Variants in MYT1L observed in about 807,000 individuals in gnomAD.
MYT1L encodes myelin transcription factor 1-like protein.
A neutral mutation model predicts 126.7 loss-of-function variants in MYT1L; 12 were observed. The ratio of observed to expected loss-of-function variants is 0.09; its 90% CI spans 0.06 to 0.15. The LOEUF is 0.15. Among genes scored for constraint, MYT1L ranks in the 10% least tolerant of loss-of-function variants. The pLI is 1.00. For synonymous variants in MYT1L, 541 were observed against 604.2 expected, an observed-to-expected ratio of 0.90 and a Z score of 1.53; for missense variants, 979 against 1,585.2, an observed-to-expected ratio of 0.62 and a Z score of 6.49.
chr2:2,199,597 A>G (rs1353569438), intron 2 of MYT1L, among the ~76,000 whole-genome samples: 1 of 152,162 alleles, frequency 6.6e-6, no homozygotes, highest in East Asian at 1.9e-4. Flanking sequence ...GACTTGAGTG[A>G]GGGACACAGT....
chr2:2,327,619 C>A (rs930520343), intron 1 of MYT1L, among the ~76,000 whole-genome samples: 2 of 152,196 alleles, frequency 1.3e-5, no homozygotes, highest in African/African-American at 4.8e-5. Flanking sequence ...CATTCATTTG[C>A]CTCCTGAACA....
chr2:1,804,951 CT>C (rs957585368), intron 22 of MYT1L, among the ~76,000 whole-genome samples: 5 of 152,182 alleles, frequency 3.3e-5, no homozygotes, highest in Admixed American at 1.3e-4. Flanking sequence ...AACACTGCCC[CT>C]GCCCCCACTA....
At chr2:1,970,652 A>G (rs577250098) in intron 8 of MYT1L, among the ~76,000 whole-genome samples, 1 of 152,284 alleles carries the variant, frequency 6.6e-6, no homozygotes, top group African/African-American at 2.4e-5. Flanking sequence ...CAGCTGGGCC[A>G]CTGTCACATC....
At position 2,077,445 on chromosome 2, in the gene MYT1L, C is replaced by T. The variant is rs1643409; in HGVS notation, c.-303-23322G>A. ...AGGCAAAAATTTTTTTTGAAAGTTGCAAGATAAAAAGGCAGAGAATAGATT... is the reference window on the plus strand; with the variant it reads ...AGGCAAAAATTTTTTTTGAAAGTTGTAAGATAAAAAGGCAGAGAATAGATT... On this transcript the variant is annotated intron_variant, in intron 3 of 24. Transcript: ENST00000647738. 3.0e-3 allele frequency among the ~76,000 whole-genome samples: 459 copies of T among 152,014 alleles called. 7 individuals are homozygous for T. Among genetic ancestry groups the T allele is most frequent in the Admixed American group, 7.1e-3 (108 of 15,274 alleles).
Position 1,910,941 on chromosome 2 carries a change from C to T in MYT1L, c.1710-594G>A, listed in dbSNP as rs776777201. Among the ~76,000 whole-genome samples, 7 of 152,220 alleles carry T rather than the reference C, an allele frequency of 4.6e-5. No individual in the cohort carries two copies. Among genetic ancestry groups the T allele is most frequent in the Non-Finnish European group, 1.0e-4 (7 of 68,044 alleles). On this transcript the variant is annotated intron_variant, in intron 12 of 24. Coordinates refer to ENST00000647738, the MANE Select transcript of MYT1L (RefSeq NM_001303052.2). The surrounding 1 kb of genome is among the most constrained non-coding windows in gnomAD (Gnocchi z 4.8). ...TCAGGCTTAGTCTAGACGGAGGAGA[C>T]AGCAGCTGGGCTCTTTTGTGTGCAA...
chr2:1,887,731 G>A lies in MYT1L; in HGVS notation c.2521-122C>T. 8.4e-7 allele frequency: 1 copy of A among 1,191,286 alleles called. No homozygotes were observed. The highest frequency in any genetic ancestry group is 1.4e-5 in the South Asian group (1 of 72,896). 73.8% of individuals were successfully genotyped at this position (1,191,286 alleles called of 1,614,324 possible). A position where few individuals can be genotyped will look rare whatever the true frequency, so the allele number is the denominator to read the frequency against. On this transcript the variant is annotated intron_variant, in intron 16 of 24. Transcript: ENST00000647738. This position sits in a 1 kb window ranked among gnomAD's most constrained non-coding sequence, Gnocchi z 4.8. ...ACACCTCTTTCTGCTGTACCTTTAAGATCCTTTTGGTCCTGATAACGCCCC... is the reference window on the plus strand; with the variant it reads ...ACACCTCTTTCTGCTGTACCTTTAAAATCCTTTTGGTCCTGATAACGCCCC...
chr2:2,105,056 G>A (rs890494171), intron 3 of MYT1L, among the ~76,000 whole-genome samples: 5 of 152,116 alleles, frequency 3.3e-5, no homozygotes, highest in Admixed American at 6.5e-5. Flanking sequence ...TAATTTCCTC[G>A]TGTTCTGTAA....
At chr2:1,892,003 C>T (rs1225116228) in intron 15 of MYT1L, 34 bp downstream of exon 15, 3 of 1,479,924 alleles carry the variant, frequency 2.0e-6, no homozygotes, top group African/African-American at 1.4e-5. Flanking sequence ...CTCCCCCACC[C>T]GCCAGGTGGC....
intron 12 of MYT1L, 71 bp downstream of exon 12, chr2:1,911,949 C>T: frequency 8.1e-7 from 1 of 1,229,750 alleles, no homozygotes; most frequent in South Asian, 1.6e-5. Flanking sequence ...CGTGGTAGGC[C>T]CCCCAGGAAG....
intron 9 of MYT1L, among the ~76,000 whole-genome samples, chr2:1,939,842 C>T (rs922345988): frequency 2.0e-5 from 3 of 152,190 alleles, no homozygotes; most frequent in African/African-American, 4.8e-5. Flanking sequence ...GTTGAAACAC[C>T]CACGTGGGGC....
intron 4 of MYT1L, among the ~76,000 whole-genome samples, chr2:2,034,206 C>T (rs888625577): frequency 1.3e-5 from 2 of 152,178 alleles, no homozygotes; most frequent in African/African-American, 4.8e-5. Context: ...GGCATATCCT[C>T]AAAGTTATGT....
chr2:1,981,772 C>T (rs2060629518), intron 5 of MYT1L, among the ~76,000 whole-genome samples: 1 of 152,140 alleles, frequency 6.6e-6, no homozygotes, highest in African/African-American at 2.4e-5. Context: ...GCAGGCAGTG[C>T]AGTTGGGAGC....
rs2032632627 is a variant in MYT1L, at chr2:1,793,331, C to A, written c.3277-867G>T. On this transcript the variant is annotated intron_variant, in intron 23 of 24. Coordinates refer to ENST00000647738, the MANE Select transcript of MYT1L (RefSeq NM_001303052.2). This position sits in a 1 kb window ranked among gnomAD's most constrained non-coding sequence, Gnocchi z 4.6. ...AGCTTCACACGCAGCAGGCGGGGAGCTGCCCTGCCCATGGGGGTGTCTGCC... is the reference window on the plus strand; with the variant it reads ...AGCTTCACACGCAGCAGGCGGGGAGATGCCCTGCCCATGGGGGTGTCTGCC... 6.6e-6 allele frequency among the ~76,000 whole-genome samples: 1 copy of A among 152,262 alleles called. No homozygotes were observed. Among genetic ancestry groups the A allele is most frequent in the African/African-American group, 2.4e-5 (1 of 41,476 alleles).
intron 18 of MYT1L, among the ~76,000 whole-genome samples, chr2:1,859,282 CAAAA>C (rs1267256838): frequency 2.0e-5 from 3 of 152,096 alleles, no homozygotes; most frequent in African/African-American, 7.2e-5. Flanking sequence ...AACCTGTAAA[CAAAA>C]AACACCTTTC....
chr2:1,962,213 C>T (rs1329953707), intron 8 of MYT1L, among the ~76,000 whole-genome samples: 1 of 152,134 alleles, frequency 6.6e-6, no homozygotes, highest in Non-Finnish European at 1.5e-5. Flanking sequence ...TAGACTGTGT[C>T]TATCACCAGT....
At chr2:2,279,552 AGAAGGAATGAATGAAT>A (rs1296131972) in intron 2 of MYT1L, among the ~76,000 whole-genome samples, 1 of 95,656 alleles carries the variant, frequency 1.0e-5, no homozygotes, top group African/African-American at 3.9e-5. Context: ...AGAGAAAGAG[AGAAGGAATGAATGAAT>A]GAAGGAAGGA....
At chr2:1,884,668 C>T (rs1394581931) in intron 18 of MYT1L, among the ~76,000 whole-genome samples, 1 of 152,226 alleles carries the variant, frequency 6.6e-6, no homozygotes, top group African/African-American at 2.4e-5. Context: ...CCCAGAAAGG[C>T]TCTATCAGAA....
chr2:2,252,619 T>A (rs1165359212), intron 2 of MYT1L, among the ~76,000 whole-genome samples: 1 of 152,186 alleles, frequency 6.6e-6, no homozygotes, highest in Non-Finnish European at 1.5e-5. Flanking sequence ...TGTGTGTTGC[T>A]GGTAGATGGG....
At chr2:1,833,010 C>T (rs754927847) in intron 21 of MYT1L, among the ~76,000 whole-genome samples, 1 of 152,174 alleles carries the variant, frequency 6.6e-6, no homozygotes, top group Admixed American at 6.5e-5. Flanking sequence ...CTGTCTGTGT[C>T]GGCCGAATGA....
Sources: allele counts gnomAD v4.1 joint callset (sites outside exome capture counted in the v4.1 genomes callset), GRCh38; gene constraint gnomAD v4.1.1; non-coding constraint Gnocchi (gnomAD v3.1); transcripts MANE v1.5; gene names NCBI Gene and HGNC (gene_info 2026-07-23, HGNC 2026-07-21).